The following PIK3AP1 variants were observed in gnomAD, a reference collection of about 807,000 sequenced individuals.
The protein encoded by PIK3AP1 is phosphoinositide-3-kinase adaptor protein 1.
In PIK3AP1, 21 loss-of-function variants were observed where a neutral mutation model predicts 88.1. The ratio of observed to expected loss-of-function variants is 0.24; its 90% confidence interval spans 0.17 to 0.34. The LOEUF is 0.34. Ranked by LOEUF, PIK3AP1 falls within the 10% of genes least tolerant of loss-of-function variation. The probability of loss-of-function intolerance (pLI) is 1.00; values close to 1 mark genes in which losing one functional copy is unlikely to be tolerated. For synonymous variants in PIK3AP1, 398 were observed against 400.0 expected (o/e 1.00, Z 0.06); for missense variants, 828 against 1,035.7 (o/e 0.80, Z 2.75).
At chr10:96,612,180 C>T (rs780297494) in intron 13 of PIK3AP1, among the ~76,000 whole-genome samples, 16 of 152,236 alleles carry the variant, frequency 1.1e-4, no homozygotes, top group South Asian at 6.2e-4. Context: ...TCCTGGGACC[C>T]GGTTAGCTCC....
chr10:96,619,593 G>T (rs1200179354), intron 12 of PIK3AP1: 1 of 152,200 alleles, frequency 6.6e-6, no homozygotes, highest in Non-Finnish European at 1.5e-5. Flanking sequence ...CAAAGGCATT[G>T]GTGGACTAAG....
chr10:96,683,275 G>A (rs1288706266), intron 2 of PIK3AP1, among the ~76,000 whole-genome samples: 1 of 152,340 alleles, frequency 6.6e-6, no homozygotes, highest in Non-Finnish European at 1.5e-5. Context: ...AATTGCTAAA[G>A]TGGCTTAAGA....
At chr10:96,613,766 A>C (rs1420605783) in intron 13 of PIK3AP1, among the ~76,000 whole-genome samples, 1 of 152,156 alleles carries the variant, frequency 6.6e-6, no homozygotes, top group East Asian at 1.9e-4. Flanking sequence ...GCCCTGCCTG[A>C]GAGGACCTCA....
chr10:96,678,442 A>T (rs537487117), intron 2 of PIK3AP1, among the ~76,000 whole-genome samples: 26 of 149,904 alleles, frequency 1.7e-4, no homozygotes, highest in East Asian at 6.2e-4. Flanking sequence ...CTCAAAAAAA[A>T]TTTTTTTTGT....
chr10:96,617,692 GAGCAGGACCA>G (rs1843013413), intron 12 of PIK3AP1, among the ~76,000 whole-genome samples: 1 of 152,172 alleles, frequency 6.6e-6, no homozygotes, highest in Non-Finnish European at 1.5e-5. Flanking sequence ...AAATGCCGCA[GAGCAGGACCA>G]AGCAGGACAC....
intron 2 of PIK3AP1, among the ~76,000 whole-genome samples, chr10:96,695,441 TAAAA>T (rs2134277912): frequency 6.6e-6 from 1 of 152,354 alleles, no homozygotes; most frequent in African/African-American, 2.4e-5. Context: ...TAGTCTAATT[TAAAA>T]GTAGAGCATT....
At chr10:96,602,240 CA>C (rs1238231922) in intron 16 of PIK3AP1, 39 bp downstream of exon 16, 2 of 1,489,112 alleles carry the variant, frequency 1.3e-6, no homozygotes, top group Non-Finnish European at 1.9e-6. Context: ...CCCTAGGATT[CA>C]GAGATAAGGG....
chr10:96,601,974 C>T (rs889098734), intron 16 of PIK3AP1, among the ~76,000 whole-genome samples: 6 of 152,138 alleles, frequency 3.9e-5, no homozygotes, highest in South Asian at 4.1e-4. Flanking sequence ...ACCTCTGCCT[C>T]CCGGGTTCAA....
At chr10:96,659,544 T>C (rs1843658466) in intron 2 of PIK3AP1, among the ~76,000 whole-genome samples, 1 of 151,986 alleles carries the variant, frequency 6.6e-6, no homozygotes, top group Admixed American at 6.6e-5. Context: ...AGAATTCATA[T>C]TAAAGTGAGA....
chr10:96,652,584 AT>A, intron 4 of PIK3AP1, 113 bp downstream of exon 4: 2 of 1,374,146 alleles, frequency 1.5e-6, no homozygotes, highest in Middle Eastern at 1.8e-4. Context: ...AAAAAAAAAA[AT>A]CAAAGTAGCA....
chr10:96,624,250 A>G (rs1843125300), intron 10 of PIK3AP1, among the ~76,000 whole-genome samples: 1 of 152,226 alleles, frequency 6.6e-6, no homozygotes, highest in Non-Finnish European at 1.5e-5. Context: ...TGCTTAGAAC[A>G]GTGTGTGGCC....
chr10:96,671,147 A>G (rs1483275534), intron 2 of PIK3AP1, among the ~76,000 whole-genome samples: 1 of 152,218 alleles, frequency 6.6e-6, no homozygotes, highest in Non-Finnish European at 1.5e-5. Flanking sequence ...GTCCTTAGAA[A>G]GCACAAAAGG....
intron 2 of PIK3AP1, among the ~76,000 whole-genome samples, chr10:96,705,255 GA>G (rs1844346723): frequency 1.3e-5 from 2 of 152,256 alleles, no homozygotes; most frequent in Admixed American, 1.3e-4. Context: ...ATTGAATTCA[GA>G]AGAGAAATGT....
intron 7 of PIK3AP1, 96 bp from the exon 8 acceptor site, chr10:96,645,758 G>A (rs757613375): frequency 3.1e-4 from 312 of 1,019,722 alleles, no homozygotes; most frequent in Non-Finnish European, 4.3e-4. Context: ...CAAAGTAAAG[G>A]CTCCCATGAG....
intron 2 of PIK3AP1, among the ~76,000 whole-genome samples, chr10:96,662,290 C>G (rs1447559511): frequency 1.3e-5 from 2 of 152,118 alleles, no homozygotes; most frequent in African/African-American, 4.8e-5. Flanking sequence ...TAAATAGAGA[C>G]ACATTTTCTT....
intron 4 of PIK3AP1, 85 bp from the exon 5 acceptor site, chr10:96,651,736 T>A: frequency 6.9e-7 from 1 of 1,456,112 alleles, no homozygotes; most frequent in Non-Finnish European, 9.4e-7. Flanking sequence ...ACACTCCATC[T>A]GAGTGGTGAG....
At chr10:96,695,224 A>C (rs1208717024) in intron 2 of PIK3AP1, among the ~76,000 whole-genome samples, 2 of 152,212 alleles carry the variant, frequency 1.3e-5, no homozygotes, top group African/African-American at 4.8e-5. Context: ...ACAAGTTAAC[A>C]GGTTGGTTCT....
chr10:96,682,411 A>G (rs1013624136), intron 2 of PIK3AP1, among the ~76,000 whole-genome samples: 1 of 152,112 alleles, frequency 6.6e-6, no homozygotes, highest in South Asian at 2.1e-4. Context: ...CACATGCCAA[A>G]TGCCTACTTC....
chr10:96,613,465 C>T (rs1849161658), intron 13 of PIK3AP1, among the ~76,000 whole-genome samples: 1 of 152,156 alleles, frequency 6.6e-6, no homozygotes, highest in African/African-American at 2.4e-5. Flanking sequence ...AAATTATATA[C>T]AGTTTAATCT....
Sources: gnomAD v4.1 joint callset for allele counts (sites outside exome capture counted in the v4.1 genomes callset) on GRCh38, gnomAD v4.1.1 for gene constraint, MANE v1.5 for transcripts, NCBI Gene and HGNC (gene_info 2026-07-23, HGNC 2026-07-21) for gene names.